KYAT3: variants seen among roughly 807,000 people sequenced by gnomAD.
The protein encoded by KYAT3 is kynurenine aminotransferase 3, also known as kynurenine--oxoglutarate transaminase 3.
KYAT3 carries 50 observed loss-of-function variants against 59.0 expected under a neutral mutation model. The observed-to-expected ratio is 0.85, with a 90% confidence interval of 0.68 to 1.07. The LOEUF (loss-of-function observed/expected upper bound fraction) is 1.07, where lower values mean the gene tolerates loss of function less well. KYAT3 is among the 50% of genes least tolerant of loss of function. The probability of loss-of-function intolerance (pLI) is 0.00; values close to 1 mark genes in which losing one functional copy is unlikely to be tolerated. For synonymous variants in KYAT3, 148 were observed against 177.0 expected, an observed-to-expected ratio of 0.84 and a Z score of 1.30; for missense variants, 497 against 533.3, an observed-to-expected ratio of 0.93 and a Z score of 0.67.
intron 13 of KYAT3, among the ~76,000 whole-genome samples, chr1:88,941,652 G>A (rs765924236): frequency 7.2e-5 from 11 of 151,790 alleles, no homozygotes; most frequent in Admixed American, 2.0e-4. Context: ...TGTGATCCTT[G>A]TACCATAAAC....
the KYAT3 span, among the ~76,000 whole-genome samples, chr1:88,925,484 G>T: frequency 1.3e-5 from 2 of 152,196 alleles, no homozygotes; most frequent in Admixed American, 6.5e-5. Context: ...GCTCTACGCT[G>T]TGTCCTGAGG....
intron 10 of KYAT3, among the ~76,000 whole-genome samples, chr1:88,951,310 C>T (rs968208675): frequency 1.3e-5 from 2 of 151,800 alleles, no homozygotes; most frequent in Non-Finnish European, 2.9e-5. Context: ...TCTCAGCTCA[C>T]TGCAACCTCT....
intron 11 of KYAT3, among the ~76,000 whole-genome samples, chr1:88,948,031 G>A (rs190757689): frequency 1.3e-5 from 2 of 152,314 alleles, no homozygotes; most frequent in African/African-American, 2.4e-5. Flanking sequence ...GGCAGAGGTT[G>A]CAGTGAGCTG....
chr1:88,975,455 AT>A (rs1409290831), intron 2 of KYAT3, among the ~76,000 whole-genome samples: 1 of 151,982 alleles, frequency 6.6e-6, no homozygotes, highest in African/African-American at 2.4e-5. Flanking sequence ...CCAGCCCCAC[AT>A]TTCAGTGTTT....
Position 88,966,486 on chromosome 1 carries a change from C to T in KYAT3, c.304-1508G>A, listed in dbSNP as rs916966428. Among the ~76,000 whole-genome samples, 10 of 152,190 alleles carry T rather than the reference C, an allele frequency of 6.6e-5. No homozygotes were observed. The East Asian group carries it at 1.9e-3, about 29-fold the overall frequency. On this transcript the variant is annotated intron_variant, in intron 4 of 13. Transcript: ENST00000260508. ...AAATGTTTTGTGTTTTGGGATACTA[C>T]TATAAATAGTATTTAAAAAATTTTA...
rs79812853 is a variant in KYAT3, at chr1:88,945,523, C to T, written c.1142-2100G>A. 4.7e-3 allele frequency among the ~76,000 whole-genome samples: 718 copies of T among 152,280 alleles called. 3 individuals are homozygous for T. The highest frequency in any genetic ancestry group is 7.0e-3 in the Non-Finnish European group (475 of 68,002). ...CAGTAAATTACTTGATTCTCTATCTCCTCTTCTCTATCAATAGTGATATAA... is the reference window on the plus strand; with the variant it reads ...CAGTAAATTACTTGATTCTCTATCTTCTCTTCTCTATCAATAGTGATATAA... On this transcript the variant is annotated intron_variant, in intron 11 of 13. Transcript: ENST00000260508.
At chr1:88,975,725 C>T (rs1344096111) in intron 2 of KYAT3, among the ~76,000 whole-genome samples, 3 of 152,136 alleles carry the variant, frequency 2.0e-5, no homozygotes, top group African/African-American at 4.8e-5. Context: ...GCATATATGA[C>T]GGTAGTCCCA....
intron 13 of KYAT3, among the ~76,000 whole-genome samples, chr1:88,939,954 G>A (rs1455295250): frequency 3.3e-5 from 5 of 151,890 alleles, no homozygotes; most frequent in Admixed American, 1.3e-4. Context: ...TTTGCTCCAT[G>A]GCAACATTTT....
At chr1:88,972,582 G>T (rs1052273120) in intron 2 of KYAT3, among the ~76,000 whole-genome samples, 1 of 152,158 alleles carries the variant, frequency 6.6e-6, no homozygotes, top group Non-Finnish European at 1.5e-5. Context: ...AAATCATAAA[G>T]GTTTTCTTGT....
At position 88,988,612 on chromosome 1, in the gene KYAT3, T is replaced by A. The variant is rs79282657; in HGVS notation, c.-1-261A>T. 4.5e-3 allele frequency among the ~76,000 whole-genome samples: 681 copies of A among 152,256 alleles called. 37 individuals carry two copies. In the East Asian group the frequency reaches 0.097, roughly 22 times the overall value. On this transcript the variant is annotated intron_variant, in intron 1 of 13. Coordinates refer to ENST00000260508, the MANE Select transcript of KYAT3 (RefSeq NM_001008661.3). ...AGAGAGCTTTAAGAATATTCTTAAT[T>A]AAAAAAATAAGGCTTTAATTTAGTC...
At chr1:88,951,531 G>T (rs894148879) in intron 10 of KYAT3, among the ~76,000 whole-genome samples, 2 of 151,628 alleles carry the variant, frequency 1.3e-5, no homozygotes, top group Non-Finnish European at 2.9e-5. Flanking sequence ...CATTGTGCCT[G>T]GTTCTTTTGC....
intron 2 of KYAT3, 38 bp from the exon 3 acceptor site, chr1:88,969,505 C>A: frequency 1.6e-6 from 2 of 1,229,136 alleles, no homozygotes; most frequent in South Asian, 2.5e-5. Context: ...TTGCCTTAGT[C>A]AAAATTTTAA....
chr1:88,936,199 C>T lies in KYAT3; in HGVS notation c.1349G>A (p.Ser450Asn). The T allele has an allele frequency of 1.2e-6, 2 of 1,611,254 alleles. No homozygotes were observed. The highest frequency in any genetic ancestry group is 8.5e-7 in the Non-Finnish European group (1 of 1,177,822). ...DAAEEIIKAW[S>N]VQKS ...CTGCACAAATCAAGACTTCTGTACA[C>T]TCCATGCCTTGATGATTTCTTCAGC... is the stretch of plus-strand genomic sequence containing the variant. Residue 450 changes from serine (S) to asparagine (N), a missense_variant, in exon 14 of 14, where the codon AGT becomes AAT. Transcript: ENST00000260508.
At chr1:88,963,616 C>G (rs1330911833) in intron 5 of KYAT3, among the ~76,000 whole-genome samples, 3 of 152,198 alleles carry the variant, frequency 2.0e-5, no homozygotes. Context: ...ATTGCCTCTT[C>G]CTTTTGTCAC....
chr1:88,947,865 G>C (rs1331757156), intron 11 of KYAT3, among the ~76,000 whole-genome samples: 1 of 152,160 alleles, frequency 6.6e-6, no homozygotes, highest in Non-Finnish European at 1.5e-5. Context: ...GAGGCAGGTG[G>C]ATCACTCATT....
At chr1:88,970,260 C>T (rs1484053123) in intron 2 of KYAT3, among the ~76,000 whole-genome samples, 1 of 152,104 alleles carries the variant, frequency 6.6e-6, no homozygotes, top group Non-Finnish European at 1.5e-5. Context: ...TTATTGAGTA[C>T]TGAGTATGTC....
chr1:88,924,761 G>A, the KYAT3 span, among the ~76,000 whole-genome samples: 1 of 152,154 alleles, frequency 6.6e-6, no homozygotes, highest in African/African-American at 2.4e-5. Context: ...TGCTGCTCCC[G>A]ATTGGGCTAA....
At chr1:88,963,938 C>T (rs1369177649) in intron 5 of KYAT3, among the ~76,000 whole-genome samples, 1 of 152,206 alleles carries the variant, frequency 6.6e-6, no homozygotes, top group African/African-American at 2.4e-5. Context: ...CGTGGTGGCT[C>T]ACGCCTGTAA....
chr1:88,923,617 A>G, the KYAT3 span: 1 of 157,766 alleles, frequency 6.3e-6, no homozygotes, highest in Non-Finnish European at 1.4e-5. Flanking sequence ...AGAACTTTTG[A>G]TTTCACCTTT....
Sources: gnomAD v4.1 joint callset for allele counts (sites outside exome capture counted in the v4.1 genomes callset) on GRCh38, gnomAD v4.1.1 for gene constraint, MANE v1.5 for transcripts, NCBI Gene and HGNC (gene_info 2026-07-23, HGNC 2026-07-21) for gene names.